EEA1: variants seen among roughly 807,000 people sequenced by gnomAD.
EEA1 encodes the protein early endosome antigen 1.
Under a neutral mutation model 209.2 loss-of-function variants are expected in EEA1, and 111 were observed. The observed-to-expected ratio is 0.53, with a 90% CI of 0.45 to 0.62. EEA1 has a LOEUF of 0.62. EEA1 is among the 20% of genes least tolerant of loss of function. EEA1 has a pLI of 0.00. For missense variants in EEA1, 1,343 were observed against 1,530.8 expected, an observed-to-expected ratio of 0.88 and a Z score of 2.05; for synonymous variants, 536 against 540.6, an observed-to-expected ratio of 0.99 and a Z score of 0.12.
rs748890912 is a variant in EEA1, at chr12:92,832,643, G to C, written c.1123C>G (p.Gln375Glu). The part of the protein sequence containing the change: ...VELSEKGEAT[Q>E]KLKEELSEVE... ...TCAGATAATTCTTCTTTGAGCTTTTGAGTAGCTTCTCCTTTTTCACTTAGT... is the reference window on the plus strand; with the variant it reads ...TCAGATAATTCTTCTTTGAGCTTTTCAGTAGCTTCTCCTTTTTCACTTAGT... Residue 375 changes from glutamine (Q) to glutamate (E), a missense_variant, in exon 11 of 29, where the codon CAA (glutamine) becomes GAA (glutamate). Around this residue, in one of 3 missense-constraint regions of EEA1, gnomAD observed 1,307 missense variants for 1,465.5 expected, o/e 0.89. Transcript: ENST00000322349. The C allele has an allele frequency of 1.2e-5, 20 of 1,613,830 alleles. No individual in the cohort carries two copies. In the South Asian group the frequency reaches 2.2e-4, roughly 18 times the overall value.
intron 27 of EEA1, 36 bp downstream of exon 27, chr12:92,777,507 G>T: frequency 6.4e-7 from 1 of 1,568,458 alleles, no homozygotes; most frequent in South Asian, 1.2e-5. Flanking sequence ...GCCAATTCTA[G>T]ACTAAAAAAC....
At chr12:92,845,295 T>C (rs1877344264) in intron 9 of EEA1, among the ~76,000 whole-genome samples, 1 of 152,178 alleles carries the variant, frequency 6.6e-6, no homozygotes, top group Non-Finnish European at 1.5e-5. Flanking sequence ...GAGTGAATTC[T>C]GGAAAGGCTT....
chr12:92,780,408 G>C lies in EEA1; in HGVS notation c.3340C>G (p.Leu1114Val), dbSNP rs1873856394. The change falls in exon 24 of 29, where the codon CTG (leucine) becomes GTG (valine). Residue 1114 changes from leucine to valine, a missense_variant. Leu to Val is a conservative substitution (Grantham distance 32). Around this residue, in one of 3 missense-constraint regions of EEA1, gnomAD observed 1,307 missense variants for 1,465.5 expected, o/e 0.89. Transcript: ENST00000322349. Reference sequence around the variant, plus strand: ...TCATTTACCAGTTCTTTTTCTTTCAGTGACTGTAGAAAAATGATATATTTT... The same window carrying C: ...TCATTTACCAGTTCTTTTTCTTTCACTGACTGTAGAAAAATGATATATTTT... Reference protein sequence around the residue: ...ALQDIQKEKSLKEKELVNEKS... With the variant: ...ALQDIQKEKSVKEKELVNEKS... 1 of 1,508,220 alleles carries C rather than the reference G, an allele frequency of 6.6e-7. No homozygotes were observed. The allele number at this position is 1,508,220 out of a possible 1,614,324, so 93.4% of individuals were successfully genotyped here.
chr12:92,855,321 T>C (rs901982986), intron 5 of EEA1, among the ~76,000 whole-genome samples: 7 of 151,500 alleles, frequency 4.6e-5, no homozygotes, highest in African/African-American at 1.7e-4. Flanking sequence ...TCCCAGCTAC[T>C]AGGAAGGCTG....
intron 13 of EEA1, among the ~76,000 whole-genome samples, chr12:92,825,370 T>C (rs1592721608): frequency 6.6e-6 from 1 of 150,854 alleles, no homozygotes; most frequent in Non-Finnish European, 1.5e-5. Flanking sequence ...AGGAGAATGG[T>C]GTGAACCCAG....
rs569991895 is a variant in EEA1 at position 92,812,330 on chromosome 12, TA to T, written c.2043+649del. On this transcript the variant is annotated intron_variant, in intron 16 of 28. Coordinates refer to ENST00000322349, the MANE Select transcript of EEA1 (RefSeq NM_003566.4). ...GGTAACAAGAGCAAAAAACTCCATC[TA>T]AAAAAAAAAAAGACCAATAACTAAT... Among the ~76,000 whole-genome samples, 1,387 of 138,776 alleles carry T rather than the reference TA, an allele frequency of 1.0e-2. 9 individuals are homozygous for T. The highest frequency in any genetic ancestry group is 0.015 in the Non-Finnish European group (931 of 63,370). 91.0% of individuals were successfully genotyped at this position (138,776 alleles called of 152,430 possible).
intron 1 of EEA1, among the ~76,000 whole-genome samples, chr12:92,897,009 T>C (rs1396226681): frequency 1.3e-5 from 2 of 151,418 alleles, no homozygotes; most frequent in Non-Finnish European, 2.9e-5. Context: ...ACCCCATCTC[T>C]ACCAAAAAAA....
At chr12:92,854,036 T>A in intron 5 of EEA1, 82 bp from the exon 6 acceptor site, 1 of 1,116,470 alleles carries the variant, frequency 9.0e-7, no homozygotes, top group Non-Finnish European at 1.2e-6. Flanking sequence ...AAAAAATCTC[T>A]GAAAGTCACT....
Position 92,877,222 on chromosome 12 carries a change from G to A in EEA1, c.118-12235C>T, listed in dbSNP as rs145820666. On this transcript the variant is annotated intron_variant, in intron 2 of 28. Coordinates refer to ENST00000322349, the MANE Select transcript of EEA1 (RefSeq NM_003566.4). ...TCAAACTCCTGGCCTCAACTGATCC[G>A]CCAGCCTGGGCATCCAAGTGCTGAG... Among the ~76,000 whole-genome samples, 654 of 146,432 alleles carry A rather than the reference G, an allele frequency of 4.5e-3. 9 individuals carry two copies. The highest frequency in any genetic ancestry group is 0.03 in the East Asian group (150 of 5,010).
intron 14 of EEA1, 62 bp from the exon 15 acceptor site, chr12:92,816,462 T>TAA (rs1875789996): frequency 6.8e-7 from 1 of 1,470,888 alleles, no homozygotes; most frequent in East Asian, 2.3e-5. Flanking sequence ...TTCAGAAACC[T>TAA]AAATTTAAGA....
chr12:92,859,824 T>C (rs1878057305), intron 3 of EEA1, among the ~76,000 whole-genome samples: 2 of 152,168 alleles, frequency 1.3e-5, no homozygotes, highest in Non-Finnish European at 1.5e-5. Context: ...ATTTGTAATA[T>C]CTTGAGCTCT....
chr12:92,829,778 T>TAA lies in EEA1; in HGVS notation c.1255-1719_1255-1718dup, dbSNP rs1270792347. On this transcript the variant is annotated intron_variant, in intron 11 of 28. Transcript: ENST00000322349. ...TGGGTGACAAAGTGAAACTCTGTCT[T>TAA]AAAAAAAAAAAAAAAAAACAAAAAA... Among the ~76,000 whole-genome samples, 73 of 71,186 alleles carry TAA rather than the reference T, an allele frequency of 1.0e-3. 2 individuals are homozygous for TAA. The East Asian group carries it at 0.023, about 23-fold the overall frequency. The allele number at this position is 71,186 out of a possible 152,430, so 46.7% of individuals were successfully genotyped here. A position where few individuals can be genotyped will look rare whatever the true frequency, so the allele number is the denominator to read the frequency against.
intron 21 of EEA1, among the ~76,000 whole-genome samples, chr12:92,793,980 T>C (rs1182122354): frequency 1.3e-5 from 2 of 152,090 alleles, no homozygotes; most frequent in Non-Finnish European, 2.9e-5. Context: ...AATCTCCCCA[T>C]GTGACAAAAG....
intron 2 of EEA1, among the ~76,000 whole-genome samples, chr12:92,889,249 C>T (rs1277148844): frequency 6.7e-6 from 1 of 150,246 alleles, no homozygotes; most frequent in Non-Finnish European, 1.5e-5. Context: ...TGTACTCCAC[C>T]ACCATGTGAA....
At position 92,813,062 on chromosome 12, in the gene EEA1, G is replaced by A; in HGVS notation, c.1961C>T (p.Ala654Val). 3 of 1,595,260 alleles carry A rather than the reference G, an allele frequency of 1.9e-6. No homozygotes were observed. Among genetic ancestry groups the A allele is most frequent in the Non-Finnish European group, 2.6e-6 (3 of 1,167,164 alleles). The change falls in exon 16 of 29, where the codon GCA becomes GTA. Residue 654 changes from alanine to valine, a missense_variant. Physicochemically the swap from Ala to Val is moderately conservative, Grantham distance 64. Around this residue, in one of 3 missense-constraint regions of EEA1, gnomAD observed 1,307 missense variants for 1,465.5 expected, o/e 0.89. Transcript: ENST00000322349. ...TCTTTGAGCAGTTTTTGCTGCTTCT[G>A]CTGATAGTAATAGTTCGGTTTTGGC... Reference protein sequence around the residue: ...IKAKTELLLSAEAAKTAQRAD... With the variant: ...IKAKTELLLSVEAAKTAQRAD...
chr12:92,917,679 G>A (rs1880824638), intron 1 of EEA1, among the ~76,000 whole-genome samples: 1 of 148,378 alleles, frequency 6.7e-6, no homozygotes, highest in Non-Finnish European at 1.5e-5. Flanking sequence ...GGAAGAAACT[G>A]CATCAACTAA....
chr12:92,775,022 A>G lies in EEA1; in HGVS notation c.*989T>C, dbSNP rs1181772492. 2 of 151,786 alleles carry G rather than the reference A, an allele frequency of 1.3e-5. No homozygotes were observed. Among genetic ancestry groups the G allele is most frequent in the East Asian group, 1.9e-4 (1 of 5,202 alleles). 9.4% of individuals were successfully genotyped at this position (151,786 alleles called of 1,614,324 possible). Reference sequence around the variant, plus strand: ...ACATGAAGCTGATCTATGCTTGAAAATGTTAAACCAAATAAAGGAAAAAAT... The same window carrying G: ...ACATGAAGCTGATCTATGCTTGAAAGTGTTAAACCAAATAAAGGAAAAAAT... On this transcript the variant is annotated 3_prime_UTR_variant, in exon 29 of 29. Transcript: ENST00000322349.
intron 10 of EEA1, among the ~76,000 whole-genome samples, chr12:92,839,936 T>C (rs1273177175): frequency 6.6e-6 from 1 of 152,110 alleles, no homozygotes; most frequent in Non-Finnish European, 1.5e-5. Context: ...AATCTAGAAG[T>C]GGCTTAACTG....
intron 21 of EEA1, among the ~76,000 whole-genome samples, chr12:92,790,239 C>G (rs1293597600): frequency 6.6e-6 from 1 of 152,344 alleles, no homozygotes; most frequent in Non-Finnish European, 1.5e-5. Context: ...CAAAAGATCA[C>G]AGCTCCTCGC....
Sources: allele counts gnomAD v4.1 joint callset (sites outside exome capture counted in the v4.1 genomes callset), GRCh38; gene constraint gnomAD v4.1.1; regional missense constraint gnomAD v4.1.1; transcripts MANE v1.5; gene names NCBI Gene and HGNC (gene_info 2026-07-23, HGNC 2026-07-21).